The following FSHR variants were observed in gnomAD, a reference collection of about 807,000 sequenced individuals.
The protein encoded by FSHR is follicle stimulating hormone receptor.
A neutral mutation model predicts 52.1 loss-of-function variants in FSHR; 46 were observed. The ratio of observed to expected loss-of-function variants is 0.88; its 90% CI spans 0.70 to 1.13. The LOEUF is 1.13. Among genes scored for constraint, FSHR ranks in the 50% most tolerant of loss-of-function variants. FSHR has a pLI of 0.00. For synonymous variants in FSHR, 399 were observed against 309.6 expected (o/e 1.29, Z -3.03); for missense variants, 964 against 834.6 (o/e 1.16, Z -1.91).
intron 1 of FSHR, among the ~76,000 whole-genome samples, chr2:49,104,411 CA>C (rs1452043975): frequency 2.0e-5 from 3 of 152,040 alleles, no homozygotes; most frequent in Non-Finnish European, 4.4e-5. Context: ...GGTCAGAGTT[CA>C]AAACAATTCA....
chr2:49,102,920 A>G (rs559422308), intron 1 of FSHR, among the ~76,000 whole-genome samples: 1 of 152,184 alleles, frequency 6.6e-6, no homozygotes, highest in African/African-American at 2.4e-5. Flanking sequence ...TCGGATTGTA[A>G]AAGCTTTTAT....
rs146709167 is a variant in FSHR at position 49,014,629 on chromosome 2, C to T, written c.374+2860G>A. On this transcript the variant is annotated intron_variant, in intron 4 of 9. Coordinates refer to ENST00000406846, the MANE Select transcript of FSHR (RefSeq NM_000145.4). ...ATGGTGCTGGCTGCAAGATGTGGGT[C>T]AATGATGAGGTCAAATTCTGAATCC... The T allele has an allele frequency of 3.0e-5, 8 of 267,270 alleles. No homozygotes were observed. The East Asian group carries it at 5.6e-4, about 19-fold the overall frequency. The allele number at this position is 267,270 out of a possible 1,614,324, so 16.6% of individuals were successfully genotyped here.
intron 4 of FSHR, among the ~76,000 whole-genome samples, chr2:49,011,334 T>G (rs4525743): frequency 6.6e-6 from 1 of 151,748 alleles, no homozygotes; most frequent in Non-Finnish European, 1.5e-5. Context: ...TGTAGTTGAG[T>G]GGTTTTGAGT....
intron 1 of FSHR, among the ~76,000 whole-genome samples, chr2:49,109,364 A>G (rs1671345804): frequency 1.3e-5 from 2 of 152,094 alleles, no homozygotes; most frequent in Admixed American, 1.3e-4. Flanking sequence ...GCCATGAGAG[A>G]TGAAGTCTCA....
At chr2:48,992,525 A>G (rs961600934) in intron 4 of FSHR, among the ~76,000 whole-genome samples, 18 of 152,126 alleles carry the variant, frequency 1.2e-4, no homozygotes, top group African/African-American at 3.1e-4. Context: ...TGTCTTTTCT[A>G]TCTCTTCAGT....
rs138810241 is a variant in FSHR at position 48,970,696 on chromosome 2, A to C, written c.669-1813T>G. On this transcript the variant is annotated intron_variant, in intron 8 of 9. Transcript: ENST00000406846. Reference sequence around the variant, plus strand: ...GATCCTACTCCTGAGCTCCAGGTCCACATAATCAGTTGTTCTTTGAACTCC... The same window carrying C: ...GATCCTACTCCTGAGCTCCAGGTCCCCATAATCAGTTGTTCTTTGAACTCC... Among the ~76,000 whole-genome samples, 47 of 152,302 alleles carry C rather than the reference A, an allele frequency of 3.1e-4. 1 individual carries two copies. The East Asian group carries it at 8.9e-3, about 29-fold the overall frequency.
At chr2:49,019,724 C>T (rs1191880698) in intron 3 of FSHR, among the ~76,000 whole-genome samples, 3 of 152,244 alleles carry the variant, frequency 2.0e-5, no homozygotes, top group African/African-American at 7.2e-5. Flanking sequence ...GGCCAGTAGT[C>T]AGACCAGGAC....
intron 4 of FSHR, among the ~76,000 whole-genome samples, chr2:48,992,895 G>A (rs1675850175): frequency 6.6e-6 from 1 of 152,076 alleles, no homozygotes; most frequent in Non-Finnish European, 1.5e-5. Context: ...CTGAAACTGT[G>A]ACTGTCATGC....
chr2:49,090,547 G>T (rs1670565576), intron 1 of FSHR, among the ~76,000 whole-genome samples: 1 of 152,118 alleles, frequency 6.6e-6, no homozygotes, highest in Admixed American at 6.5e-5. Context: ...TTCTTGTTTG[G>T]GGATGATTAT....
chr2:48,969,596 G>A (rs1674641960), intron 8 of FSHR, among the ~76,000 whole-genome samples: 1 of 152,176 alleles, frequency 6.6e-6, no homozygotes, highest in South Asian at 2.1e-4. Flanking sequence ...AAAATTAGAT[G>A]AGTTAAAGTG....
chr2:49,080,618 T>A (rs1170973305), intron 1 of FSHR, among the ~76,000 whole-genome samples: 1 of 152,152 alleles, frequency 6.6e-6, no homozygotes, highest in Non-Finnish European at 1.5e-5. Context: ...ATGAACAGAA[T>A]GATATTTTTA....
chr2:49,127,163 A>G (rs1343149683), intron 1 of FSHR, among the ~76,000 whole-genome samples: 1 of 152,122 alleles, frequency 6.6e-6, no homozygotes, highest in East Asian at 1.9e-4. Flanking sequence ...CCCCGTCTCT[A>G]CTAAAAATAC....
At chr2:48,969,810 A>T (rs1425378718) in intron 8 of FSHR, among the ~76,000 whole-genome samples, 1 of 152,186 alleles carries the variant, frequency 6.6e-6, no homozygotes, top group Non-Finnish European at 1.5e-5. Flanking sequence ...TGGCAGCAGC[A>T]CCAGTGATGT....
chr2:49,074,137 A>T (rs1669859216), intron 1 of FSHR, among the ~76,000 whole-genome samples: 1 of 152,126 alleles, frequency 6.6e-6, no homozygotes, highest in African/African-American at 2.4e-5. Context: ...AAAAGGTTTT[A>T]TGAGTAAGAC....
chr2:49,153,351 G>A (rs748967073), intron 1 of FSHR, among the ~76,000 whole-genome samples: 6 of 152,146 alleles, frequency 3.9e-5, no homozygotes, highest in Non-Finnish European at 8.8e-5. Context: ...AGTTCTCAGG[G>A]GAAGCAGTAA....
At chr2:49,006,861 C>A (rs1573082294) in intron 4 of FSHR, among the ~76,000 whole-genome samples, 1 of 152,162 alleles carries the variant, frequency 6.6e-6, no homozygotes, top group Non-Finnish European at 1.5e-5. Flanking sequence ...TAAAGCACGA[C>A]TCTCTACTTT....
At chr2:49,074,764 G>A (rs1227030045) in intron 1 of FSHR, among the ~76,000 whole-genome samples, 1 of 146,974 alleles carries the variant, frequency 6.8e-6, no homozygotes, top group Non-Finnish European at 1.5e-5. Context: ...CTAAGGTATG[G>A]AATCAACCTA....
chr2:49,030,879 A>G (rs1417198105), intron 2 of FSHR, among the ~76,000 whole-genome samples: 2 of 152,200 alleles, frequency 1.3e-5, no homozygotes, highest in East Asian at 3.9e-4. Flanking sequence ...GTGTTTTTAC[A>G]GTGAAGGGAC....
chr2:48,963,612 G>T lies in FSHR; in HGVS notation c.1209C>A (p.Asn403Lys). ...KLTVPRFLMCNLAFADLCIGI... is the reference protein window; with the variant it reads ...KLTVPRFLMCKLAFADLCIGI... ...CAATGCAGAGATCAGCAAAGGCCAG[G>T]TTGCACATAAGGAACCTGGGGACTG... Residue 403 changes from asparagine to lysine, a missense_variant, in exon 10 of 10, where the codon AAC (asparagine) becomes AAA (lysine). By Grantham distance (94) the Asn-to-Lys change is moderately conservative. Coordinates refer to ENST00000406846, the MANE Select transcript of FSHR (RefSeq NM_000145.4). 1 of 1,614,204 alleles carries T rather than the reference G, an allele frequency of 6.2e-7. No individual in the cohort carries two copies. Among genetic ancestry groups the T allele is most frequent in the East Asian group, 2.2e-5 (1 of 44,884 alleles).
Sources: gnomAD v4.1 joint callset for allele counts (sites outside exome capture counted in the v4.1 genomes callset) on GRCh38, gnomAD v4.1.1 for gene constraint, MANE v1.5 for transcripts, NCBI Gene and HGNC (gene_info 2026-07-23, HGNC 2026-07-21) for gene names.